ZBTB20: variants seen among roughly 807,000 people sequenced by gnomAD.
The protein encoded by ZBTB20 is zinc finger and BTB domain-containing protein 20.
Under a neutral mutation model 56.9 loss-of-function variants are expected in ZBTB20, and 9 were observed. That is an observed-to-expected ratio of 0.16 (90% CI 0.10 to 0.28). ZBTB20 has a LOEUF of 0.28. Ranked by LOEUF, ZBTB20 falls within the 10% of genes least tolerant of loss-of-function variation. The pLI is 1.00. For synonymous variants in ZBTB20, 417 were observed against 420.7 expected (o/e 0.99, Z 0.11); for missense variants, 655 against 1,003.0 (o/e 0.65, Z 4.69).
intron 11 of ZBTB20, among the ~76,000 whole-genome samples, chr3:114,343,777 G>A (rs774247891): frequency 8.6e-5 from 13 of 151,826 alleles, no homozygotes; most frequent in Admixed American, 5.9e-4. Context: ...GCTGGGCACC[G>A]TGGCTCACGC....
chr3:114,557,094 G>A (rs528748558), intron 6 of ZBTB20, among the ~76,000 whole-genome samples: 1 of 152,122 alleles, frequency 6.6e-6, no homozygotes, highest in South Asian at 2.1e-4. Context: ...GAAAGATGTA[G>A]ACAAATTAGG....
chr3:114,364,531 C>T (rs75878738), intron 10 of ZBTB20, among the ~76,000 whole-genome samples: 2,374 of 152,244 alleles, frequency 0.016, 29 homozygotes, highest in South Asian at 0.067. Context: ...TATTCTCTGC[C>T]GTTCAGATAT....
chr3:114,860,525 A>G (rs1039641862), intron 4 of ZBTB20, among the ~76,000 whole-genome samples: 1 of 152,206 alleles, frequency 6.6e-6, no homozygotes, highest in African/African-American at 2.4e-5. Context: ...CATAGGCAGA[A>G]TAACATTAGA....
At chr3:114,458,026 T>G (rs2092123937) in intron 7 of ZBTB20, among the ~76,000 whole-genome samples, 1 of 152,226 alleles carries the variant, frequency 6.6e-6, no homozygotes, top group Non-Finnish European at 1.5e-5. Flanking sequence ...GTCCTTCTTC[T>G]GTAGCTCACT....
rs555265190 is a variant in ZBTB20, at chr3:114,316,426, A to G, written c.*22579T>C. 2.1e-6 allele frequency: 1 copy of G among 465,258 alleles called. No individual in the cohort carries two copies. Among genetic ancestry groups the G allele is most frequent in the Non-Finnish European group, 4.4e-6 (1 of 226,416 alleles). The allele number at this position is 465,258 out of a possible 1,614,324, so 28.8% of individuals were successfully genotyped here. A position where few individuals can be genotyped will look rare whatever the true frequency, so the allele number is the denominator to read the frequency against. The stretch of plus-strand genomic sequence containing the variant: ...ATCTGGTTTTGTAATGAGCATCTGG[A>G]TTTGTAATGAGCATCTGATTTTGTT... On this transcript the variant is annotated 3_prime_UTR_variant, in exon 12 of 12. Coordinates refer to ENST00000675478, the MANE Select transcript of ZBTB20 (RefSeq NM_001348800.3).
intron 2 of ZBTB20, among the ~76,000 whole-genome samples, chr3:115,040,695 G>A (rs767313736): frequency 7.9e-5 from 12 of 152,018 alleles, no homozygotes; most frequent in Non-Finnish European, 1.6e-4. Context: ...GTTTAATCTT[G>A]GGCACAAAGA....
chr3:115,064,379 C>G (rs1374956980), intron 2 of ZBTB20, among the ~76,000 whole-genome samples: 1 of 151,552 alleles, frequency 6.6e-6, no homozygotes, highest in African/African-American at 2.4e-5. Flanking sequence ...TTTTTTCTAC[C>G]CTTATACGTA....
At chr3:114,744,562 A>G (rs1305662014) in intron 5 of ZBTB20, among the ~76,000 whole-genome samples, 1 of 152,174 alleles carries the variant, frequency 6.6e-6, no homozygotes, top group Non-Finnish European at 1.5e-5. Context: ...AAAAACAAAG[A>G]GCGAGGGAAT....
At chr3:114,455,346 C>T (rs1005797869) in intron 7 of ZBTB20, among the ~76,000 whole-genome samples, 2 of 152,058 alleles carry the variant, frequency 1.3e-5, no homozygotes, top group Non-Finnish European at 2.9e-5. Flanking sequence ...CAATACTGCT[C>T]GTACTGACAA....
chr3:114,494,977 A>G (rs748048705), intron 7 of ZBTB20, among the ~76,000 whole-genome samples: 3 of 152,070 alleles, frequency 2.0e-5, no homozygotes, highest in South Asian at 2.1e-4. Flanking sequence ...TCTTTTTTAC[A>G]TTTTAGCCAG....
intron 5 of ZBTB20, among the ~76,000 whole-genome samples, chr3:114,701,067 G>A (rs1200659785): frequency 1.3e-5 from 2 of 152,206 alleles, no homozygotes; most frequent in Non-Finnish European, 2.9e-5. Context: ...GAGCCAAGGT[G>A]AGCAACATCC....
intron 7 of ZBTB20, among the ~76,000 whole-genome samples, chr3:114,495,239 C>A (rs966367064): frequency 2.0e-5 from 3 of 152,244 alleles, no homozygotes; most frequent in South Asian, 4.2e-4. Flanking sequence ...AAAAATTATT[C>A]TTTGTACATA....
intron 1 of ZBTB20, among the ~76,000 whole-genome samples, chr3:115,077,207 T>A (rs2082628984): frequency 6.6e-6 from 1 of 152,152 alleles, no homozygotes; most frequent in African/African-American, 2.4e-5. Flanking sequence ...AAAAAACTAA[T>A]AATCCAACTT....
intron 5 of ZBTB20, among the ~76,000 whole-genome samples, chr3:114,779,698 T>C (rs1382310413): frequency 6.6e-6 from 1 of 152,238 alleles, no homozygotes; most frequent in Non-Finnish European, 1.5e-5. Context: ...TAAAGTTTGC[T>C]GTGATGGAGA....
chr3:114,679,835 A>T (rs1183555756), intron 6 of ZBTB20, among the ~76,000 whole-genome samples: 1 of 152,230 alleles, frequency 6.6e-6, no homozygotes, highest in East Asian at 1.9e-4. Context: ...ACTCATGCAC[A>T]CATATGTTTA....
chr3:114,558,476 T>A (rs760616839), intron 6 of ZBTB20, among the ~76,000 whole-genome samples: 6 of 152,048 alleles, frequency 3.9e-5, no homozygotes, highest in African/African-American at 1.4e-4. Flanking sequence ...GCCAAAGACA[T>A]AGGACATGCT....
intron 4 of ZBTB20, among the ~76,000 whole-genome samples, chr3:114,814,309 G>T (rs2072772885): frequency 6.7e-6 from 1 of 148,418 alleles, no homozygotes; most frequent in Non-Finnish European, 1.5e-5. Flanking sequence ...TATTTATATT[G>T]TACATGTATG....
intron 1 of ZBTB20, among the ~76,000 whole-genome samples, chr3:115,103,415 A>G (rs1357833315): frequency 6.6e-6 from 1 of 152,220 alleles, no homozygotes; most frequent in Non-Finnish European, 1.5e-5. Context: ...AGAGAAGAAC[A>G]AAGTTGGACA....
chr3:114,918,128 T>C (rs2075820123), intron 3 of ZBTB20, among the ~76,000 whole-genome samples: 1 of 150,688 alleles, frequency 6.6e-6, no homozygotes, highest in African/African-American at 2.4e-5. Flanking sequence ...AAGTCTCTTC[T>C]CTTGGACACC....
Sources: allele counts gnomAD v4.1 joint callset (sites outside exome capture counted in the v4.1 genomes callset), GRCh38; gene constraint gnomAD v4.1.1; transcripts MANE v1.5; gene names NCBI Gene and HGNC (gene_info 2026-07-23, HGNC 2026-07-21).